Variants in FREM3 observed in about 807,000 individuals in gnomAD.
The protein encoded by FREM3 is FRAS1 related extracellular matrix 3.
FREM3 carries 105 observed loss-of-function variants against 129.1 expected under a neutral mutation model. The observed-to-expected ratio is 0.81, with a 90% CI of 0.69 to 0.96. FREM3 has a LOEUF of 0.96. Among genes scored for constraint, FREM3 ranks in the 40% least tolerant of loss-of-function variants. The pLI is 0.00. For synonymous variants in FREM3, 1,014 were observed against 1,044.9 expected (o/e 0.97, Z 0.57); for missense variants, 2,593 against 2,666.3 (o/e 0.97, Z 0.61).
At chr4:143,660,901 A>G (rs1484323576) in intron 2 of FREM3, among the ~76,000 whole-genome samples, 1 of 152,212 alleles carries the variant, frequency 6.6e-6, no homozygotes, top group Non-Finnish European at 1.5e-5. Flanking sequence ...TCATTGGTGT[A>G]TAAGAATGTT....
At chr4:143,663,440 T>C (rs1739783024) in intron 2 of FREM3, among the ~76,000 whole-genome samples, 2 of 152,182 alleles carry the variant, frequency 1.3e-5, no homozygotes, top group Non-Finnish European at 2.9e-5. Flanking sequence ...GTAGAGTTTC[T>C]GCCGAGAGAT....
rs746368542 is a variant in FREM3, at chr4:143,698,261, C to G, written c.2415G>C (p.Gln805His). The G allele has an allele frequency of 1.3e-6, 2 of 1,537,402 alleles. No homozygotes were observed. The highest frequency in any genetic ancestry group is 1.7e-6 in the Non-Finnish European group (2 of 1,146,982). Residue 805 changes from glutamine to histidine, a missense_variant, in exon 1 of 8, where the codon CAG becomes CAC. Around this residue, in one of 2 missense-constraint regions of FREM3, gnomAD observed 2,276 missense variants for 2,267.2 expected, o/e 1.00. Coordinates refer to ENST00000329798, the MANE Select transcript of FREM3 (RefSeq NM_001168235.2). ...CGCTATTGCCTGCAGCATCTTCCACCTGGTAAGTAAACTGCACAACCCGTG... is the reference window on the plus strand; with the variant it reads ...CGCTATTGCCTGCAGCATCTTCCACGTGGTAAGTAAACTGCACAACCCGTG... ...IAPRVVQFTY[Q>H]VEDAAGNSVP...
intron 2 of FREM3, among the ~76,000 whole-genome samples, chr4:143,676,582 G>C (rs1484933201): frequency 1.3e-5 from 2 of 152,146 alleles, no homozygotes; most frequent in Non-Finnish European, 2.9e-5. Flanking sequence ...TATTCAATTA[G>C]GAAGAGAGGA....
In FREM3 at chr4:143,695,938, G is replaced by A. The variant is rs758171509; in HGVS notation, c.4738C>T (p.Pro1580Ser). ...DLILFTITQVPMHGKILYNGS... is the reference protein window; with the variant it reads ...DLILFTITQVSMHGKILYNGS... ...TTGTACAAAATCTTGCCATGCATGG[G>A]GACCTGGGTGATGGTAAAGAGAATA... The change falls in exon 1 of 8, where the codon CCC becomes TCC. Residue 1580 changes from proline to serine, a missense_variant. Physicochemically the swap from Pro to Ser is moderately conservative, Grantham distance 74 (BLOSUM62 -1). Around this residue, in one of 2 missense-constraint regions of FREM3, gnomAD observed 2,276 missense variants for 2,267.2 expected, o/e 1.00. Coordinates refer to ENST00000329798, the MANE Select transcript of FREM3 (RefSeq NM_001168235.2). 1 of 1,537,830 alleles carries A rather than the reference G, an allele frequency of 6.5e-7. No individual in the cohort carries two copies. Among genetic ancestry groups the A allele is most frequent in the South Asian group, 1.2e-5 (1 of 84,062 alleles).
Position 143,700,178 on chromosome 4 carries a change from C to A in FREM3, c.498G>T (p.Gln166His). 6.5e-7 allele frequency: 1 copy of A among 1,537,028 alleles called. No individual in the cohort carries two copies. The highest frequency in any genetic ancestry group is 8.7e-7 in the Non-Finnish European group (1 of 1,146,914). The change falls in exon 1 of 8, where the codon CAG becomes CAT. Residue 166 changes from glutamine to histidine, a missense_variant. By Grantham distance (24) the Gln-to-His change is conservative (BLOSUM62 0). Transcript: ENST00000329798. ...FTLAVDLVFSQLELVTRNRPL... is the reference protein window; with the variant it reads ...FTLAVDLVFSHLELVTRNRPL... ...GCCTGTTACGCGTCACCAGCTCCAG[C>A]TGGGAGAAGACCAAGTCCACCGCCA... is the stretch of plus-strand genomic sequence containing the variant.
intron 2 of FREM3, among the ~76,000 whole-genome samples, chr4:143,669,837 G>A (rs938663000): frequency 6.6e-6 from 1 of 151,976 alleles, no homozygotes; most frequent in African/African-American, 2.4e-5. Flanking sequence ...AGACATAGCG[G>A]GTACATGTGC....
intron 2 of FREM3, among the ~76,000 whole-genome samples, chr4:143,628,050 A>G (rs1468456244): frequency 1.3e-5 from 2 of 151,912 alleles, no homozygotes; most frequent in Non-Finnish European, 2.9e-5. Flanking sequence ...GTAGTTTTAA[A>G]TTCAGGTCAT....
intron 2 of FREM3, among the ~76,000 whole-genome samples, chr4:143,657,893 A>G (rs370567858): frequency 2.2e-4 from 33 of 152,210 alleles, no homozygotes; most frequent in Middle Eastern, 3.4e-3. Flanking sequence ...CCCATGCCAG[A>G]AATCTGGGTG....
intron 2 of FREM3, among the ~76,000 whole-genome samples, chr4:143,657,275 A>G (rs1271744750): frequency 6.6e-6 from 1 of 152,236 alleles, no homozygotes; most frequent in East Asian, 1.9e-4. Context: ...TCTTTTCTCC[A>G]TAAAGTAGGT....
chr4:143,695,830 T>C lies in FREM3; in HGVS notation c.4846A>G (p.Thr1616Ala). The change falls in exon 1 of 8, where the codon ACT becomes GCT. Residue 1616 changes from threonine to alanine, a missense_variant. Physicochemically the swap from Thr to Ala is moderately conservative, Grantham distance 58. Around this residue, in one of 2 missense-constraint regions of FREM3, gnomAD observed 2,276 missense variants for 2,267.2 expected, o/e 1.00. Transcript: ENST00000329798. ...ISYKHDGSET[T>A]EDSFSLTVTD... ...ACAGTCAAGGAGAAACTATCTTCAG[T>C]GGTCTCACTGCCGTCATGCTTGTAG... 6.5e-7 allele frequency: 1 copy of C among 1,537,374 alleles called. No homozygotes were observed.
rs757490702 is a variant in FREM3 at position 143,699,245 on chromosome 4, T to C, written c.1431A>G (p.Arg477=). The part of the protein sequence containing the change: ...EVKMAAVRGL[R]HGQLVVFGAP... ...CCCCAAACACCACCAGCTGCCCATG[T>C]CTCAAGCCCCTGACTGCAGCCATTT... The change falls in exon 1 of 8, where the codon AGA becomes AGG. Residue 477 remains arginine, a synonymous_variant. Transcript: ENST00000329798. This position sits in a 1 kb window ranked among gnomAD's most constrained non-coding sequence, Gnocchi z 4.2. 289 of 1,537,180 alleles carry C rather than the reference T, an allele frequency of 1.9e-4. 5 individuals are homozygous for C. The South Asian group carries it at 2.8e-3, about 15-fold the overall frequency.
rs549477369 is a variant in FREM3, at chr4:143,696,830, G to A, written c.3846C>T (p.Val1282=). The A allele has an allele frequency of 2.6e-6, 4 of 1,537,768 alleles. No individual in the cohort carries two copies. The East Asian group carries it at 7.3e-5, about 28-fold the overall frequency. Residue 1282 remains valine (V), a synonymous_variant, in exon 1 of 8, where the codon GTC becomes GTT. Transcript: ENST00000329798. ...DSETKEDSFE[V]WLSDGKHTTH... is the part of the protein sequence containing the mutation. ...TTGTGTGCTTGCCGTCACTCAGCCA[G>A]ACCTCAAAACTGTCCTCTTTTGTCT... is the stretch of plus-strand genomic sequence containing the variant.
Position 143,699,970 on chromosome 4 carries a change from T to G in FREM3, c.706A>C (p.Arg236=). 1 of 1,509,578 alleles carries G rather than the reference T, an allele frequency of 6.6e-7. No individual in the cohort carries two copies. The allele number at this position is 1,509,578 out of a possible 1,614,324, so 93.5% of individuals were successfully genotyped here. A position where few individuals can be genotyped will look rare whatever the true frequency, so the allele number is the denominator to read the frequency against. The part of the protein sequence containing the change: ...LVDAVGAPLP[R]GKGVDCEAFL... ...GCCTCACAGTCTACGCCCTTGCCCC[T>G]GGGGAGAGGGGCCCCCACCGCGTCC... The change falls in exon 1 of 8, where the codon AGG becomes CGG. Residue 236 remains arginine, a synonymous_variant. Coordinates refer to ENST00000329798, the MANE Select transcript of FREM3 (RefSeq NM_001168235.2). The surrounding 1 kb of genome is among the most constrained non-coding windows in gnomAD (Gnocchi z 4.2).
At chr4:143,591,990 T>C (rs1411054543) in intron 6 of FREM3, among the ~76,000 whole-genome samples, 2 of 152,244 alleles carry the variant, frequency 1.3e-5, no homozygotes, top group African/African-American at 4.8e-5. Flanking sequence ...TTTACCATTA[T>C]GTAATGGCCT....
chr4:143,682,781 G>C (rs1033257229), intron 2 of FREM3, among the ~76,000 whole-genome samples: 1 of 152,158 alleles, frequency 6.6e-6, no homozygotes, highest in Admixed American at 6.5e-5. Flanking sequence ...TATGTGTGTT[G>C]ATTCCTTTAA....
At chr4:143,633,232 C>T (rs1739172047) in intron 2 of FREM3, among the ~76,000 whole-genome samples, 1 of 152,142 alleles carries the variant, frequency 6.6e-6, no homozygotes, top group Admixed American at 6.5e-5. Context: ...TTCTGTCTCT[C>T]TGGCATCCTA....
intron 2 of FREM3, among the ~76,000 whole-genome samples, chr4:143,660,497 T>C (rs1739691016): frequency 6.6e-6 from 1 of 152,222 alleles, no homozygotes; most frequent in Admixed American, 6.5e-5. Flanking sequence ...CCTTGTAGTA[T>C]AGTTTGAAGT....
chr4:143,583,903 G>A (rs923200939), intron 7 of FREM3, among the ~76,000 whole-genome samples: 18 of 152,154 alleles, frequency 1.2e-4, no homozygotes, highest in African/African-American at 4.1e-4. Flanking sequence ...ACACAATTGA[G>A]TCTGCATAAT....
In FREM3 at chr4:143,699,219, G is replaced by C; in HGVS notation, c.1457C>G (p.Ala486Gly). The change falls in exon 1 of 8, where the codon GCA becomes GGA. Residue 486 changes from alanine (A) to glycine (G), a missense_variant. Coordinates refer to ENST00000329798, the MANE Select transcript of FREM3 (RefSeq NM_001168235.2). This position sits in a 1 kb window ranked among gnomAD's most constrained non-coding sequence, Gnocchi z 4.2. ...TGTGAAATACTTGCACCCAGCAGGT[G>C]CCCCAAACACCACCAGCTGCCCATG... The part of the protein sequence containing the change: ...LRHGQLVVFG[A>G]PAGCKYFTPA... The C allele has an allele frequency of 6.5e-7, 1 of 1,537,258 alleles. No individual in the cohort carries two copies. The highest frequency in any genetic ancestry group is 8.7e-7 in the Non-Finnish European group (1 of 1,146,920).
Sources: allele counts gnomAD v4.1 joint callset (sites outside exome capture counted in the v4.1 genomes callset), GRCh38; gene constraint gnomAD v4.1.1; regional missense constraint gnomAD v4.1.1; non-coding constraint Gnocchi (gnomAD v3.1); transcripts MANE v1.5; gene names NCBI Gene and HGNC (gene_info 2026-07-23, HGNC 2026-07-21).